The following GRAMD1B variants were observed in gnomAD, a reference collection of about 807,000 sequenced individuals.
The protein encoded by GRAMD1B is protein Aster-B.
Under a neutral mutation model 99.7 loss-of-function variants are expected in GRAMD1B, and 37 were observed. That is an observed-to-expected ratio of 0.37 (90% confidence interval 0.29 to 0.49). GRAMD1B has a LOEUF of 0.49. GRAMD1B is among the 20% of genes least tolerant of loss of function. The probability of loss-of-function intolerance (pLI) is 0.98; values close to 1 mark genes in which losing one functional copy is unlikely to be tolerated. For synonymous variants in GRAMD1B, 427 were observed against 387.6 expected (o/e 1.10, Z -1.19); for missense variants, 888 against 1,009.2 (o/e 0.88, Z 1.63).
chr11:123,583,359 GTA>G (rs756773698), intron 3 of GRAMD1B, among the ~76,000 whole-genome samples: 7 of 150,488 alleles, frequency 4.7e-5, no homozygotes, highest in Non-Finnish European at 1.0e-4. Context: ...GTGCATGTGT[GTA>G]TGTGTGTGTG....
chr11:123,452,048 A>G (rs1056489783), intron 1 of GRAMD1B, among the ~76,000 whole-genome samples: 1 of 152,080 alleles, frequency 6.6e-6, no homozygotes, highest in Non-Finnish European at 1.5e-5. Context: ...TTTCCGGGTT[A>G]GTCTTGAACT....
intron 2 of GRAMD1B, among the ~76,000 whole-genome samples, chr11:123,571,856 C>T (rs541936213): frequency 3.9e-5 from 6 of 152,262 alleles, no homozygotes; most frequent in African/African-American, 1.4e-4. Flanking sequence ...TCCTTGAACC[C>T]CGTACCCTTC....
intron 1 of GRAMD1B, among the ~76,000 whole-genome samples, chr11:123,386,651 G>A (rs1170984586): frequency 6.6e-6 from 1 of 152,070 alleles, no homozygotes; most frequent in African/African-American, 2.4e-5. Context: ...GTTTCACCAT[G>A]TTGGCCAGGC....
At chr11:123,617,245 A>G (rs1032622451) in intron 17 of GRAMD1B, among the ~76,000 whole-genome samples, 1 of 147,160 alleles carries the variant, frequency 6.8e-6, no homozygotes, top group African/African-American at 2.6e-5. Flanking sequence ...ATGCAGTAGC[A>G]TGATCTCAGC....
intron 1 of GRAMD1B, among the ~76,000 whole-genome samples, chr11:123,466,939 T>A (rs1950710184): frequency 6.6e-6 from 1 of 152,206 alleles, no homozygotes; most frequent in African/African-American, 2.4e-5. Flanking sequence ...TGTGCTCCTT[T>A]ACCTAAGAGC....
chr11:123,523,864 T>G (rs1942434354), intron 2 of GRAMD1B, among the ~76,000 whole-genome samples: 1 of 152,240 alleles, frequency 6.6e-6, no homozygotes, highest in Non-Finnish European at 1.5e-5. Context: ...CTCCAGGAGC[T>G]TTGAAAACAT....
At chr11:123,445,794 G>A (rs1949610128) in intron 1 of GRAMD1B, among the ~76,000 whole-genome samples, 1 of 147,634 alleles carries the variant, frequency 6.8e-6, no homozygotes, top group Middle Eastern at 3.5e-3. Flanking sequence ...ACTTCAGCCT[G>A]GGGAACAGAG....
intron 2 of GRAMD1B, among the ~76,000 whole-genome samples, chr11:123,564,074 C>T (rs1339066381): frequency 1.3e-5 from 2 of 152,146 alleles, no homozygotes; most frequent in Non-Finnish European, 2.9e-5. Context: ...AGGGGAGGAG[C>T]GATATGAGGG....
Position 123,457,869 on chromosome 11 carries a change from C to T in GRAMD1B, c.375-22947C>T, listed in dbSNP as rs191237919. Among the ~76,000 whole-genome samples, 244 of 152,186 alleles carry T rather than the reference C, an allele frequency of 1.6e-3. 1 individual carries two copies. The highest frequency in any genetic ancestry group is 5.7e-3 in the African/African-American group (235 of 41,516). On this transcript the variant is annotated intron_variant, in intron 1 of 19. Transcript: ENST00000635736. ...AGCTGAGACTACAGGCATGCACCAC[C>T]GCACCTGGCTAATTTCTCCACTTTT...
intron 1 of GRAMD1B, among the ~76,000 whole-genome samples, chr11:123,449,466 C>T (rs900125172): frequency 6.6e-6 from 1 of 152,170 alleles, no homozygotes; most frequent in Non-Finnish European, 1.5e-5. Context: ...CCTTCATATG[C>T]CATTTATGTA....
intron 4 of GRAMD1B, among the ~76,000 whole-genome samples, chr11:123,585,174 G>A (rs377537815): frequency 3.3e-5 from 5 of 152,268 alleles, no homozygotes; most frequent in Admixed American, 1.3e-4. Context: ...CCCCCTCCCC[G>A]GACACACCAG....
chr11:123,614,654 C>A, intron 16 of GRAMD1B, 91 bp from the exon 17 acceptor site: 1 of 700,320 alleles, frequency 1.4e-6, no homozygotes, highest in Non-Finnish European at 2.6e-6. Context: ...TTCCATCAGT[C>A]TCTGATGTTT....
chr11:123,414,682 C>CT (rs1309050708), intron 1 of GRAMD1B, among the ~76,000 whole-genome samples: 1 of 152,208 alleles, frequency 6.6e-6, no homozygotes, highest in African/African-American at 2.4e-5. Flanking sequence ...CTCCCACCCT[C>CT]TACCCATGAG....
At chr11:123,609,646 C>T in intron 12 of GRAMD1B, 149 bp from the exon 13 acceptor site, 1 of 591,298 alleles carries the variant, frequency 1.7e-6, no homozygotes. Flanking sequence ...TCTTCCCACC[C>T]TCCCCCCGGC....
At position 123,510,330 on chromosome 11, in the gene GRAMD1B, G is replaced by A. The variant is rs538718973; in HGVS notation, c.452+29437G>A. On this transcript the variant is annotated intron_variant, in intron 2 of 19. Transcript: ENST00000635736. This position sits in a 1 kb window ranked among gnomAD's most constrained non-coding sequence, Gnocchi z 4.3. ...CGGGGTGATGGGAGGGCAGGCCTCC[G>A]TCTTTGTGCCCTCTCCCTCTCAACA... Among the ~76,000 whole-genome samples, 11 of 152,218 alleles carry A rather than the reference G, an allele frequency of 7.2e-5. No individual in the cohort carries two copies. In the East Asian group the frequency reaches 7.8e-4, roughly 11 times the overall value.
Position 123,513,613 on chromosome 11 carries a change from C to CTTTCTTTCTTTCTTTCTTTCTTT in GRAMD1B, c.452+32720_452+32721insTTTCTTTCTTTCTTTCTTTCTTT, listed in dbSNP as rs1491409860. On this transcript the variant is annotated intron_variant, in intron 2 of 19. Coordinates refer to ENST00000635736, the MANE Select transcript of GRAMD1B (RefSeq NM_001387025.1). The stretch of plus-strand genomic sequence containing the variant: ...TCCTTCCTTCCTTCCTTCCTTCCTT[C>CTTTCTTTCTTTCTTTCTTTCTTT]CTTCCTTTCTTTCTTTCTTTCTTTC... Among the ~76,000 whole-genome samples the CTTTCTTTCTTTCTTTCTTTCTTT allele has an allele frequency of 7.1e-3, 287 of 40,390 alleles. 1 individual carries two copies. The highest frequency in any genetic ancestry group is 0.019 in the Middle Eastern group (1 of 54). 26.5% of individuals were successfully genotyped at this position (40,390 alleles called of 152,430 possible).
At chr11:123,387,720 C>T (rs1947118394) in intron 1 of GRAMD1B, among the ~76,000 whole-genome samples, 1 of 150,454 alleles carries the variant, frequency 6.6e-6, no homozygotes, top group African/African-American at 2.5e-5. Flanking sequence ...TGCCCTCCCG[C>T]CCCCACCCGC....
chr11:123,429,272 G>C (rs988716398), upstream of GRAMD1B, among the ~76,000 whole-genome samples: 1 of 152,186 alleles, frequency 6.6e-6, no homozygotes, highest in Non-Finnish European at 1.5e-5. The surrounding 1 kb of genome is among the most constrained non-coding windows in gnomAD (Gnocchi z 4.0). Flanking sequence ...GAGAATGGCT[G>C]CTACAGCCCT....
intron 19 of GRAMD1B, among the ~76,000 whole-genome samples, chr11:123,621,764 G>C (rs529399246): frequency 3.3e-5 from 5 of 152,314 alleles, no homozygotes; most frequent in Admixed American, 2.6e-4. Flanking sequence ...AGCCTGAGAG[G>C]CTCTTGGTAG....
Sources: gnomAD v4.1 joint callset for allele counts (sites outside exome capture counted in the v4.1 genomes callset) on GRCh38, gnomAD v4.1.1 for gene constraint, Gnocchi (gnomAD v3.1) non-coding constraint, MANE v1.5 for transcripts, NCBI Gene and HGNC (gene_info 2026-07-23, HGNC 2026-07-21) for gene names.